Variants in MAGI2 observed in about 807,000 individuals in gnomAD.
MAGI2 encodes membrane associated guanylate kinase, WW and PDZ domain containing 2.
In MAGI2, 35 loss-of-function variants were observed where a neutral mutation model predicts 133.3. That is an observed-to-expected ratio of 0.26 (90% confidence interval 0.20 to 0.35). MAGI2 has a LOEUF of 0.35. Ranked by LOEUF, MAGI2 falls within the 10% of genes least tolerant of loss-of-function variation. The pLI is 1.00. For missense variants in MAGI2, 1,636 were observed against 1,863.4 expected, an observed-to-expected ratio of 0.88 and a Z score of 2.25; for synonymous variants, 729 against 710.6, an observed-to-expected ratio of 1.03 and a Z score of -0.41.
intron 6 of MAGI2, among the ~76,000 whole-genome samples, chr7:78,440,857 G>A (rs1240105835): frequency 1.3e-5 from 2 of 152,134 alleles, no homozygotes; most frequent in African/African-American, 2.4e-5. Context: ...GGAGGCTGAG[G>A]TGGGAGAATT....
intron 21 of MAGI2, among the ~76,000 whole-genome samples, chr7:78,069,430 A>T (rs1266962125): frequency 6.6e-6 from 1 of 151,806 alleles, no homozygotes; most frequent in Non-Finnish European, 1.5e-5. Context: ...GCATCTGTGT[A>T]TTTAAAAGGC....
chr7:78,789,593 ATAT>A (rs1827106139), intron 2 of MAGI2, among the ~76,000 whole-genome samples: 1 of 152,186 alleles, frequency 6.6e-6, no homozygotes, highest in African/African-American at 2.4e-5. Flanking sequence ...TAATAGGTAT[ATAT>A]ATTTATGAGA....
chr7:78,314,841 C>G (rs1787236739), intron 9 of MAGI2, among the ~76,000 whole-genome samples: 1 of 152,136 alleles, frequency 6.6e-6, no homozygotes, highest in Admixed American at 6.6e-5. Flanking sequence ...TTTGTTGGCA[C>G]TTGTGTTTTG....
chr7:78,311,302 G>T (rs2151095821), intron 9 of MAGI2, among the ~76,000 whole-genome samples: 1 of 152,332 alleles, frequency 6.6e-6, no homozygotes, highest in South Asian at 2.1e-4. Context: ...AAGAGGAACA[G>T]TTGAGCAATG....
At chr7:78,205,704 G>C (rs965549392) in intron 10 of MAGI2, among the ~76,000 whole-genome samples, 2 of 151,904 alleles carry the variant, frequency 1.3e-5, no homozygotes, top group Non-Finnish European at 1.5e-5. Flanking sequence ...ATCCTATATA[G>C]AGAACAATTT....
intron 1 of MAGI2, among the ~76,000 whole-genome samples, chr7:79,402,724 G>T (rs1257701689): frequency 1.3e-5 from 2 of 152,188 alleles, no homozygotes; most frequent in Non-Finnish European, 2.9e-5. Flanking sequence ...AACTTTGGGA[G>T]GCTGAGGCAG....
At chr7:79,444,690 C>T (rs1200644408) in intron 1 of MAGI2, among the ~76,000 whole-genome samples, 3 of 152,106 alleles carry the variant, frequency 2.0e-5, no homozygotes, top group Non-Finnish European at 1.5e-5. Flanking sequence ...AAGAACATTC[C>T]ATGCTCATGG....
chr7:78,510,496 G>T (rs979270485), intron 4 of MAGI2, among the ~76,000 whole-genome samples: 1 of 152,056 alleles, frequency 6.6e-6, no homozygotes, highest in African/African-American at 2.4e-5. Flanking sequence ...CAATTTAAAT[G>T]ATTTCTGCCT....
At chr7:78,105,746 G>A (rs904353249) in intron 20 of MAGI2, among the ~76,000 whole-genome samples, 1 of 151,732 alleles carries the variant, frequency 6.6e-6, no homozygotes, top group Non-Finnish European at 1.5e-5. Flanking sequence ...CATTATAGGT[G>A]CATATATTTA....
chr7:78,436,767 TCA>T (rs1212991048), intron 6 of MAGI2, among the ~76,000 whole-genome samples: 1 of 152,022 alleles, frequency 6.6e-6, no homozygotes, highest in Non-Finnish European at 1.5e-5. Flanking sequence ...CCCTGATACA[TCA>T]CAACTCATAG....
intron 1 of MAGI2, among the ~76,000 whole-genome samples, chr7:79,443,097 C>T (rs752603476): frequency 2.0e-5 from 3 of 152,012 alleles, no homozygotes; most frequent in Non-Finnish European, 4.4e-5. Context: ...CATGGTAAAA[C>T]CCCATCTCTA....
intron 2 of MAGI2, among the ~76,000 whole-genome samples, chr7:78,690,744 A>G (rs1275576390): frequency 6.6e-6 from 1 of 152,198 alleles, no homozygotes; most frequent in Non-Finnish European, 1.5e-5. Flanking sequence ...CTGGCCTCTC[A>G]GGAAAGTGGG....
At chr7:78,074,339 G>A (rs1815048299) in intron 21 of MAGI2, among the ~76,000 whole-genome samples, 1 of 152,118 alleles carries the variant, frequency 6.6e-6, no homozygotes, top group South Asian at 2.1e-4. Flanking sequence ...ATCACCTTGA[G>A]AACTCAGAGT....
intron 2 of MAGI2, among the ~76,000 whole-genome samples, chr7:78,686,712 A>G (rs1054406779): frequency 6.6e-6 from 1 of 152,202 alleles, no homozygotes; most frequent in Admixed American, 6.5e-5. Context: ...TCTGAAAAAG[A>G]GCAGATTTAG....
chr7:79,054,037 A>C (rs943254251), intron 1 of MAGI2, among the ~76,000 whole-genome samples: 4 of 152,084 alleles, frequency 2.6e-5, no homozygotes, highest in African/African-American at 9.7e-5. Context: ...CTCTAGTAAA[A>C]ATACAAAAAT....
At chr7:78,819,176 C>G (rs1265786034) in intron 2 of MAGI2, among the ~76,000 whole-genome samples, 1 of 152,034 alleles carries the variant, frequency 6.6e-6, no homozygotes, top group Non-Finnish European at 1.5e-5. Flanking sequence ...AAACTGTTGG[C>G]TGCATTTATT....
intron 2 of MAGI2, among the ~76,000 whole-genome samples, chr7:78,961,514 T>A (rs1404947004): frequency 6.6e-6 from 1 of 152,134 alleles, no homozygotes; most frequent in Non-Finnish European, 1.5e-5. Flanking sequence ...GATTCTCCAG[T>A]GACAAAAAGA....
At chr7:79,316,061 G>A (rs1838699159) in intron 1 of MAGI2, among the ~76,000 whole-genome samples, 1 of 152,036 alleles carries the variant, frequency 6.6e-6, no homozygotes, top group African/African-American at 2.4e-5. Flanking sequence ...CAGGGTAATT[G>A]TGAGGATTAA....
chr7:78,881,489 A>C (rs1795835433), intron 2 of MAGI2, among the ~76,000 whole-genome samples: 2 of 151,896 alleles, frequency 1.3e-5, no homozygotes, highest in South Asian at 2.1e-4. Context: ...ATGACGAGTT[A>C]ATGGGTGCAG....
Sources: allele counts gnomAD v4.1 joint callset (sites outside exome capture counted in the v4.1 genomes callset), GRCh38; gene constraint gnomAD v4.1.1; transcripts MANE v1.5; gene names NCBI Gene and HGNC (gene_info 2026-07-23, HGNC 2026-07-21).